Variants in LRRC7 observed in about 807,000 individuals in gnomAD.
LRRC7 encodes the protein leucine-rich repeat-containing protein 7.
A neutral mutation model predicts 175.7 loss-of-function variants in LRRC7; 23 were observed. That is an observed-to-expected ratio of 0.13 (90% CI 0.09 to 0.19). The LOEUF (loss-of-function observed/expected upper bound fraction) is 0.19, where lower values mean the gene tolerates loss of function less well. Ranked by LOEUF, LRRC7 falls within the 10% of genes least tolerant of loss-of-function variation. LRRC7 has a pLI of 1.00. For synonymous variants in LRRC7, 685 were observed against 680.9 expected (o/e 1.01, Z -0.09); for missense variants, 1,354 against 1,904.7 (o/e 0.71, Z 5.38).
intron 1 of LRRC7, among the ~76,000 whole-genome samples, chr1:69,642,932 T>C (rs1362693016): frequency 6.6e-6 from 1 of 152,066 alleles, no homozygotes; most frequent in Non-Finnish European, 1.5e-5. Context: ...TCCCATGATA[T>C]GCCATCTGCA....
intron 9 of LRRC7, among the ~76,000 whole-genome samples, chr1:69,985,790 T>C (rs1194950665): frequency 6.6e-6 from 1 of 152,246 alleles, no homozygotes; most frequent in Admixed American, 6.5e-5. Context: ...GGTTCATACA[T>C]TGTATAACAT....
chr1:69,718,142 G>GAAA (rs1553146139), intron 2 of LRRC7, among the ~76,000 whole-genome samples: 4 of 73,716 alleles, frequency 5.4e-5, no homozygotes, highest in East Asian at 8.2e-4. Flanking sequence ...AAGAAAGAGA[G>GAAA]AGAAAGAAAG....
chr1:69,958,882 T>C (rs992050412), intron 8 of LRRC7, among the ~76,000 whole-genome samples: 25 of 152,104 alleles, frequency 1.6e-4, no homozygotes, highest in Admixed American at 3.9e-4. Flanking sequence ...TCTTAAAATA[T>C]ATTCCTTTGC....
rs750492635 is a variant in LRRC7 at position 70,121,784 on chromosome 1, A to G, written c.4625A>G (p.Asn1542Ser). ...LQPGDKILQANGHSFVHMEHE... is the reference protein window; with the variant it reads ...LQPGDKILQASGHSFVHMEHE... ...GTTTTATTTGTGTATTTACAGGCAA[A>G]TGGACACAGTTTTGTACATATGGAA... is the stretch of plus-strand genomic sequence containing the variant. Residue 1542 changes from asparagine (N) to serine (S), a missense_variant, in exon 27 of 27, where the codon AAT becomes AGT. Physicochemically the swap from Asn to Ser is conservative, Grantham distance 46. Coordinates refer to ENST00000651989, the MANE Select transcript of LRRC7 (RefSeq NM_001370785.2). The G allele has an allele frequency of 6.2e-7, 1 of 1,605,064 alleles. No homozygotes were observed. Among genetic ancestry groups the G allele is most frequent in the Non-Finnish European group, 8.5e-7 (1 of 1,172,796 alleles).
chr1:69,617,483 T>G (rs1649816536), intron 1 of LRRC7, among the ~76,000 whole-genome samples: 1 of 140,492 alleles, frequency 7.1e-6, no homozygotes, highest in Non-Finnish European at 1.5e-5. Context: ...AAGAATGTAT[T>G]AGTAACAAGG....
At chr1:69,781,047 C>T (rs1164881147) in intron 3 of LRRC7, among the ~76,000 whole-genome samples, 1 of 152,080 alleles carries the variant, frequency 6.6e-6, no homozygotes, top group East Asian at 1.9e-4. Context: ...TACATTTATG[C>T]CATTTTTATA....
intron 1 of LRRC7, among the ~76,000 whole-genome samples, chr1:69,630,586 C>T (rs1342542545): frequency 4.0e-5 from 6 of 151,658 alleles, no homozygotes; most frequent in Admixed American, 1.3e-4. Flanking sequence ...TTTAATTGTA[C>T]ATGCTTTTGA....
intron 7 of LRRC7, among the ~76,000 whole-genome samples, chr1:69,877,390 C>A (rs74979963): frequency 6.6e-6 from 1 of 152,008 alleles, no homozygotes; most frequent in African/African-American, 2.4e-5. Flanking sequence ...GAGTTTGAGG[C>A]TACAATGAGC....
chr1:69,886,927 A>C (rs1185836657), intron 7 of LRRC7, among the ~76,000 whole-genome samples: 2 of 152,022 alleles, frequency 1.3e-5, no homozygotes, highest in Non-Finnish European at 2.9e-5. Context: ...CTTTTCTTTA[A>C]GAATGTTGAA....
At chr1:69,692,953 A>G (rs182271392) in intron 2 of LRRC7, among the ~76,000 whole-genome samples, 2 of 152,324 alleles carry the variant, frequency 1.3e-5, no homozygotes, top group Admixed American at 6.5e-5. Flanking sequence ...TGAATAGAAC[A>G]AAAGTGTGGC....
intron 11 of LRRC7, among the ~76,000 whole-genome samples, chr1:69,998,394 T>C (rs992833259): frequency 6.6e-6 from 1 of 152,208 alleles, no homozygotes; most frequent in Non-Finnish European, 1.5e-5. Flanking sequence ...TGTTCAGACT[T>C]TGAAGAGTAG....
chr1:69,785,848 C>G (rs1259474816), intron 3 of LRRC7, among the ~76,000 whole-genome samples: 1 of 152,120 alleles, frequency 6.6e-6, no homozygotes, highest in Non-Finnish European at 1.5e-5. Flanking sequence ...AATTCCTCCA[C>G]TACCTCACTC....
intron 8 of LRRC7, among the ~76,000 whole-genome samples, chr1:69,972,784 A>C (rs1652378574): frequency 6.6e-6 from 1 of 151,980 alleles, no homozygotes; most frequent in African/African-American, 2.4e-5. Context: ...ACCCAGAAGA[A>C]AAGAAGTCAT....
chr1:69,920,609 ACT>A (rs1189178677), intron 7 of LRRC7, among the ~76,000 whole-genome samples: 1 of 152,024 alleles, frequency 6.6e-6, no homozygotes, highest in Non-Finnish European at 1.5e-5. Context: ...GCAAAAATCC[ACT>A]CTCAGCTTTA....
rs1295228974 is a variant in LRRC7, at chr1:70,124,018, C to A, written c.*2131C>A. 6.6e-6 allele frequency among the ~76,000 whole-genome samples: 1 copy of A among 152,150 alleles called. No homozygotes were observed. Among genetic ancestry groups the A allele is most frequent in the African/African-American group, 2.4e-5 (1 of 41,454 alleles). The stretch of plus-strand genomic sequence containing the variant: ...CAGGAGATCCTTCTAAGACACACAG[C>A]TGAAAGGATCATAATCCTAGTAAAC... On this transcript the variant is annotated 3_prime_UTR_variant, in exon 27 of 27. Coordinates refer to ENST00000651989, the MANE Select transcript of LRRC7 (RefSeq NM_001370785.2).
chr1:69,767,900 A>C (rs1461986573), intron 3 of LRRC7, among the ~76,000 whole-genome samples: 1 of 152,168 alleles, frequency 6.6e-6, no homozygotes, highest in South Asian at 2.1e-4. Context: ...CCAGAAAAAA[A>C]CAGCCTCCAT....
intron 1 of LRRC7, among the ~76,000 whole-genome samples, chr1:69,628,821 A>T (rs1652015283): frequency 6.6e-6 from 1 of 152,166 alleles, no homozygotes; most frequent in Non-Finnish European, 1.5e-5. Flanking sequence ...AACTCATAGA[A>T]TATAGTCAAT....
At chr1:69,920,920 G>A (rs1214645839) in intron 7 of LRRC7, among the ~76,000 whole-genome samples, 1 of 152,098 alleles carries the variant, frequency 6.6e-6, no homozygotes, top group East Asian at 1.9e-4. Context: ...CATATTCCCA[G>A]GCTCAGAAGA....
chr1:69,787,593 G>C (rs934998632), intron 3 of LRRC7, among the ~76,000 whole-genome samples: 2 of 152,176 alleles, frequency 1.3e-5, no homozygotes, highest in Admixed American at 6.5e-5. Flanking sequence ...AGCTGCCAAG[G>C]CTTGGGGCTT....
Sources: gnomAD v4.1 joint callset for allele counts (sites outside exome capture counted in the v4.1 genomes callset) on GRCh38, gnomAD v4.1.1 for gene constraint, MANE v1.5 for transcripts, NCBI Gene and HGNC (gene_info 2026-07-23, HGNC 2026-07-21) for gene names.